The following ARHGEF10 variants were observed in gnomAD, a reference collection of about 807,000 sequenced individuals.
ARHGEF10 encodes Rho guanine nucleotide exchange factor 10.
ARHGEF10 carries 140 observed loss-of-function variants against 147.4 expected under a neutral mutation model. That is an observed-to-expected ratio of 0.95 (90% CI 0.83 to 1.09). ARHGEF10 has a LOEUF of 1.09. Ranked by LOEUF, ARHGEF10 falls within the 50% of genes least tolerant of loss-of-function variation. The pLI is 0.00. For missense variants in ARHGEF10, 2,222 were observed against 1,752.7 expected, an observed-to-expected ratio of 1.27 and a Z score of -4.78; for synonymous variants, 902 against 695.8, an observed-to-expected ratio of 1.30 and a Z score of -4.67.
chr8:1,905,685 G>T lies in ARHGEF10; in HGVS notation c.1936G>T (p.Asp646Tyr). Residue 646 changes from aspartate to tyrosine, a missense_variant, in exon 17 of 29, where the codon GAT (aspartate) becomes TAT (tyrosine). Transcript: ENST00000349830. ...TKERRVFMLN[D>Y]VLMCATVSSR... ...AGAACGCCGAGTCTTCATGTTAAAT[G>T]ATGTGTTAATGTGTGCCACCGTCAG... 6.2e-7 allele frequency: 1 copy of T among 1,614,130 alleles called. No individual in the cohort carries two copies.
At chr8:1,950,740 T>G (rs1431492472) in intron 27 of ARHGEF10, among the ~76,000 whole-genome samples, 1 of 146,978 alleles carries the variant, frequency 6.8e-6, no homozygotes, top group Non-Finnish European at 1.5e-5. Context: ...GTTTTTTTTT[T>G]TTTTTTTTTT....
intron 2 of ARHGEF10, among the ~76,000 whole-genome samples, chr8:1,849,450 G>T (rs1427983728): frequency 6.8e-6 from 1 of 147,784 alleles, no homozygotes; most frequent in Non-Finnish European, 1.5e-5. Flanking sequence ...AGGGCGTGGG[G>T]CGGCCACATG....
chr8:1,955,459 ATGGGTAG>A lies in ARHGEF10; in HGVS notation c.3521-1289_3521-1283del, dbSNP rs1341970153. 1.8e-3 allele frequency among the ~76,000 whole-genome samples: 266 copies of A among 146,088 alleles called. 2 individuals are homozygous for A. Among genetic ancestry groups the A allele is most frequent in the Non-Finnish European group, 3.1e-3 (207 of 66,098 alleles). The stretch of plus-strand genomic sequence containing the variant: ...AGGTGCACTCTCACTGTTTCTCTGG[ATGGGTAG>A]CTAGGAGCATCCTGAAAGGAAGTGC... On this transcript the variant is annotated intron_variant, in intron 28 of 28. Coordinates refer to ENST00000349830, the MANE Select transcript of ARHGEF10 (RefSeq NM_014629.4).
chr8:1,945,712 G>A, intron 27 of ARHGEF10, 57 bp downstream of exon 27: 2 of 1,606,448 alleles, frequency 1.2e-6, no homozygotes, highest in Non-Finnish European at 1.7e-6. Context: ...GGACGTGGGG[G>A]GTGCGGAGCG....
At chr8:1,926,531 G>C (rs759456115) in intron 23 of ARHGEF10, 68 bp downstream of exon 23, 21 of 1,443,050 alleles carry the variant, frequency 1.5e-5, no homozygotes, top group Non-Finnish European at 1.9e-5. Context: ...GGTGTGATGA[G>C]AGACTGAGAT....
At chr8:1,936,954 C>T (rs1041871871) in intron 26 of ARHGEF10, among the ~76,000 whole-genome samples, 4 of 152,184 alleles carry the variant, frequency 2.6e-5, no homozygotes, top group East Asian at 1.9e-4. Flanking sequence ...GTTAGGAATG[C>T]GAGGTCCACA....
intron 27 of ARHGEF10, among the ~76,000 whole-genome samples, chr8:1,950,341 C>T (rs1266865565): frequency 1.3e-5 from 2 of 152,168 alleles, no homozygotes; most frequent in East Asian, 3.9e-4. Flanking sequence ...GACCGCATGA[C>T]CTCGTGACTG....
At chr8:1,840,456 AGC>A (rs1257139659) in intron 1 of ARHGEF10, among the ~76,000 whole-genome samples, 14 of 130,272 alleles carry the variant, frequency 1.1e-4, no homozygotes, top group East Asian at 2.6e-4. Context: ...CCGGTGTGGA[AGC>A]TGTCCGGTGT....
chr8:1,833,250 G>T (rs535059154), intron 1 of ARHGEF10, among the ~76,000 whole-genome samples: 6 of 123,952 alleles, frequency 4.8e-5, no homozygotes, highest in Admixed American at 8.6e-5. Flanking sequence ...AAAGACAGAG[G>T]CCGAGACAGA....
At chr8:1,825,982 G>T in intron 1 of ARHGEF10, 1 of 731,054 alleles carries the variant, frequency 1.4e-6, no homozygotes, top group Non-Finnish European at 2.3e-6. Flanking sequence ...AAAGAGAGAT[G>T]ATTACTGAGG....
rs981029229 is a variant in ARHGEF10 at position 1,908,939 on chromosome 8, A to G, written c.1968-356A>G. 2.6e-5 allele frequency among the ~76,000 whole-genome samples: 4 copies of G among 152,246 alleles called. No individual in the cohort carries two copies. The South Asian group carries it at 6.2e-4, about 24-fold the overall frequency. On this transcript the variant is annotated intron_variant, in intron 17 of 28. Transcript: ENST00000349830. Reference sequence around the variant, plus strand: ...GAGTTAACTCTTATGAAACCGCCAGAGAATATCTCTATCCACATAGGAGAC... The same window carrying G: ...GAGTTAACTCTTATGAAACCGCCAGGGAATATCTCTATCCACATAGGAGAC...
intron 1 of ARHGEF10, among the ~76,000 whole-genome samples, chr8:1,837,575 A>T (rs1803660348): frequency 6.6e-6 from 1 of 152,254 alleles, no homozygotes; most frequent in Admixed American, 6.5e-5. Flanking sequence ...CTCGGAAGAC[A>T]CACAAAGCCA....
At position 1,928,550 on chromosome 8, in the gene ARHGEF10, G is replaced by T; in HGVS notation, c.2821G>T (p.Glu941Ter). 1 of 1,614,206 alleles carries T rather than the reference G, an allele frequency of 6.2e-7. No homozygotes were observed. Residue 941 changes from glutamate (E) to a stop codon, truncating the protein, a stop_gained, in exon 24 of 29, where the codon GAG becomes TAG. Transcript: ENST00000349830. LOFTEE classifies it high-confidence loss of function. ...CCTGTGCATGCTGTACGTTCCCGTC[G>T]AGGAGAAGCGCAGAGAGCCTGGGGC... ...RILCMLYVPV[E>*]EKRREPGAPP...
At chr8:1,897,938 C>T (rs555332598) in intron 14 of ARHGEF10, among the ~76,000 whole-genome samples, 29 of 152,284 alleles carry the variant, frequency 1.9e-4, no homozygotes, top group South Asian at 1.7e-3. Flanking sequence ...GCTGTCTGCC[C>T]TCTCCACTGC....
Position 1,909,370 on chromosome 8 carries a change from C to T in ARHGEF10, c.2043C>T (p.Asp681=), listed in dbSNP as rs537649967. ...GGAGCGTTCCACTGGGACATGTGGA[C>T]GCCATCGAGTATGGCAGCAGCGCAG... The part of the protein sequence containing the change: ...LKWSVPLGHV[D]AIEYGSSAGT... Residue 681 remains aspartate (D), a synonymous_variant, in exon 18 of 29, where the codon GAC becomes GAT. Coordinates refer to ENST00000349830, the MANE Select transcript of ARHGEF10 (RefSeq NM_014629.4). 43 of 1,614,098 alleles carry T rather than the reference C, an allele frequency of 2.7e-5. No individual in the cohort carries two copies. Among genetic ancestry groups the T allele is most frequent in the Admixed American group, 3.3e-5 (2 of 60,010 alleles).
intron 1 of ARHGEF10, 82 bp from the exon 2 acceptor site, chr8:1,843,271 G>T: frequency 9.5e-7 from 1 of 1,054,838 alleles, no homozygotes. Context: ...TTTTTGCGGG[G>T]TTCTCTGTCG....
chr8:1,929,306 G>C lies in ARHGEF10; in HGVS notation c.2942G>C (p.Ser981Thr). The C allele has an allele frequency of 6.2e-7, 1 of 1,614,138 alleles. No homozygotes were observed. Among genetic ancestry groups the C allele is most frequent in the Non-Finnish European group, 8.5e-7 (1 of 1,180,024 alleles). The change falls in exon 25 of 29, where the codon AGT becomes ACT. Residue 981 changes from serine to threonine, a missense_variant. Ser to Thr is a moderately conservative substitution (Grantham distance 58). Coordinates refer to ENST00000349830, the MANE Select transcript of ARHGEF10 (RefSeq NM_014629.4). ...EEGSISIYKS[S>T]QGSKKVRLQH... ...TAAAGCATTTCCATTTATAAAAGCA[G>C]TCAAGGCTCCAAGAAAGTGAGACTT... is the stretch of plus-strand genomic sequence containing the variant.
chr8:1,939,577 G>A (rs1054995570), intron 26 of ARHGEF10, among the ~76,000 whole-genome samples: 12 of 152,246 alleles, frequency 7.9e-5, no homozygotes, highest in East Asian at 1.9e-4. Context: ...CCAAGCATGC[G>A]TCCCTGCAGG....
chr8:1,909,763 G>A (rs1811220462), intron 18 of ARHGEF10, among the ~76,000 whole-genome samples: 1 of 152,186 alleles, frequency 6.6e-6, no homozygotes, highest in African/African-American at 2.4e-5. Context: ...TCAGTTTTGC[G>A]TTTCCAGTTA....
Sources: gnomAD v4.1 joint callset for allele counts (sites outside exome capture counted in the v4.1 genomes callset) on GRCh38, gnomAD v4.1.1 for gene constraint, MANE v1.5 for transcripts, NCBI Gene and HGNC (gene_info 2026-07-23, HGNC 2026-07-21) for gene names.